The following ACCSL variants were observed in gnomAD, a reference collection of about 807,000 sequenced individuals.
ACCSL encodes probable inactive 1-aminocyclopropane-1-carboxylate synthase-like protein 2.
In ACCSL, 55 loss-of-function variants were observed where a neutral mutation model predicts 61.7. The observed-to-expected ratio is 0.89, with a 90% CI of 0.72 to 1.12. The LOEUF is 1.12. ACCSL is among the 50% of genes most tolerant of loss of function. ACCSL has a pLI of 0.00. For synonymous variants in ACCSL, 258 were observed against 264.3 expected, an observed-to-expected ratio of 0.98 and a Z score of 0.23; for missense variants, 632 against 698.0, an observed-to-expected ratio of 0.91 and a Z score of 1.07.
At chr11:43,980,460 CAATGTTTACATAATCGA>C in the ACCSL span, among the ~76,000 whole-genome samples, 256 of 152,212 alleles carry the variant, frequency 1.7e-3, 3 homozygotes, top group East Asian at 0.03. Flanking sequence ...GCCAATTGAG[CAATGTTTACATAATCGA>C]ATTATTGTGG....
chr11:44,055,374 C>G, intron 9 of ACCSL, 83 bp downstream of exon 9: 1 of 1,076,298 alleles, frequency 9.3e-7, no homozygotes, highest in Non-Finnish European at 1.4e-6. Context: ...ATGAACTTAA[C>G]TCAGTTCCTA....
chr11:43,931,053 G>A, the ACCSL span, among the ~76,000 whole-genome samples: 3 of 152,208 alleles, frequency 2.0e-5, no homozygotes, highest in Admixed American at 1.3e-4. Context: ...CTGTAGTTCT[G>A]TTCCATTTCC....
At chr11:44,003,911 C>T in the ACCSL span, among the ~76,000 whole-genome samples, 1 of 152,266 alleles carries the variant, frequency 6.6e-6, no homozygotes, top group South Asian at 2.1e-4. Context: ...GGAACCTCAC[C>T]AGGCCCTCAC....
the ACCSL span, among the ~76,000 whole-genome samples, chr11:44,038,234 A>G: frequency 6.6e-6 from 1 of 152,176 alleles, no homozygotes; most frequent in Non-Finnish European, 1.5e-5. Flanking sequence ...AGCTTTGAGC[A>G]AAGCCTTGAA....
At chr11:43,929,013 C>A in the ACCSL span, among the ~76,000 whole-genome samples, 1 of 152,190 alleles carries the variant, frequency 6.6e-6, no homozygotes, top group African/African-American at 2.4e-5. Flanking sequence ...CAATTTTAGT[C>A]CAGTAGACCT....
the ACCSL span, among the ~76,000 whole-genome samples, chr11:43,976,161 GA>G: frequency 2.0e-5 from 3 of 152,202 alleles, no homozygotes. Context: ...ACTTGATTTA[GA>G]TGATGAGATT....
chr11:43,970,254 G>A, the ACCSL span, among the ~76,000 whole-genome samples: 1 of 152,122 alleles, frequency 6.6e-6, no homozygotes, highest in Admixed American at 6.5e-5. Context: ...CTCTCAGGCT[G>A]GAGTGCAGTA....
chr11:43,970,617 CTG>C, the ACCSL span, among the ~76,000 whole-genome samples: 4 of 152,220 alleles, frequency 2.6e-5, no homozygotes, highest in Non-Finnish European at 5.9e-5. Flanking sequence ...ATTTGCCAAT[CTG>C]TGAATTTTTT....
At chr11:43,949,639 A>AC in the ACCSL span, among the ~76,000 whole-genome samples, 1 of 151,150 alleles carries the variant, frequency 6.6e-6, no homozygotes, top group Non-Finnish European at 1.5e-5. Context: ...ACATGGTGAA[A>AC]CCCCATCTCT....
the ACCSL span, among the ~76,000 whole-genome samples, chr11:43,951,114 G>A: frequency 1.3e-5 from 2 of 152,186 alleles, no homozygotes; most frequent in Admixed American, 6.5e-5. Context: ...CTAAGAAGTG[G>A]TTGGAAAGAG....
the ACCSL span, among the ~76,000 whole-genome samples, chr11:43,950,619 G>A: frequency 8.5e-5 from 13 of 152,276 alleles, no homozygotes; most frequent in African/African-American, 3.1e-4. Flanking sequence ...CCTCCCTACC[G>A]GTATTCTCTT....
chr11:44,017,100 C>T, the ACCSL span, among the ~76,000 whole-genome samples: 1 of 152,306 alleles, frequency 6.6e-6, no homozygotes. Context: ...CAGATACACA[C>T]AGGCACACAT....
chr11:44,054,447 CTTTT>C (rs67313576), intron 8 of ACCSL, among the ~76,000 whole-genome samples: 13 of 138,420 alleles, frequency 9.4e-5, no homozygotes, highest in Non-Finnish European at 3.1e-5. Context: ...TTCTTTCTTT[CTTTT>C]TTTTTTTTGT....
In ACCSL at chr11:44,057,435, A is replaced by C. The variant is rs952674522; in HGVS notation, c.1328-882A>C. ...ACCTTTGATACTTGGCAGAAACCAG[A>C]TCCCAGCCCCTTGAACGCTAGTCCT... On this transcript the variant is annotated intron_variant, in intron 11 of 13. Coordinates refer to ENST00000378832, the MANE Select transcript of ACCSL (RefSeq NM_001031854.2). Among the ~76,000 whole-genome samples the C allele has an allele frequency of 2.0e-5, 3 of 152,220 alleles. No homozygotes were observed. The East Asian group carries it at 5.8e-4, about 29-fold the overall frequency.
chr11:43,945,244 C>T, the ACCSL span: 1 of 152,218 alleles, frequency 6.6e-6, no homozygotes, highest in Non-Finnish European at 1.5e-5. Context: ...AGATGTGAGG[C>T]CACTGTGGGT....
the ACCSL span, among the ~76,000 whole-genome samples, chr11:44,035,980 T>C: frequency 2.7e-5 from 4 of 149,546 alleles, no homozygotes; most frequent in Admixed American, 6.6e-5. Flanking sequence ...AAAAGAATAG[T>C]TGAAGTTCCG....
Position 44,052,708 on chromosome 11 carries a change from C to A in ACCSL, c.819C>A (p.Ser273Arg). The change falls in exon 6 of 14, where the codon AGC becomes AGA. Residue 273 changes from serine to arginine, a missense_variant. Coordinates refer to ENST00000378832, the MANE Select transcript of ACCSL (RefSeq NM_001031854.2). The stretch of plus-strand genomic sequence containing the variant: ...CCTTCTATGGTGGCTTTGCCTTTAG[C>A]TCCCGCCTGTATGCAAAGGTTGAGT... ...PAPFYGGFAF[S>R]SRLYAKVELI... The A allele has an allele frequency of 6.2e-7, 1 of 1,614,126 alleles. No homozygotes were observed. The highest frequency in any genetic ancestry group is 8.5e-7 in the Non-Finnish European group (1 of 1,180,024).
At chr11:44,005,692 T>G in the ACCSL span, among the ~76,000 whole-genome samples, 1 of 152,006 alleles carries the variant, frequency 6.6e-6, no homozygotes, top group Admixed American at 6.6e-5. Context: ...CTACTGAAAG[T>G]TTCATGTTCC....
the ACCSL span, among the ~76,000 whole-genome samples, chr11:44,013,184 A>G: frequency 6.6e-6 from 1 of 152,234 alleles, no homozygotes; most frequent in Non-Finnish European, 1.5e-5. Flanking sequence ...AACAGCGTGT[A>G]TATTATCATA....
Sources: gnomAD v4.1 joint callset for allele counts (sites outside exome capture counted in the v4.1 genomes callset) on GRCh38, gnomAD v4.1.1 for gene constraint, MANE v1.5 for transcripts, NCBI Gene and HGNC (gene_info 2026-07-23, HGNC 2026-07-21) for gene names.